DOCK8: variants seen among roughly 807,000 people sequenced by gnomAD.
The protein encoded by DOCK8 is dedicator of cytokinesis protein 8.
DOCK8 carries 141 observed loss-of-function variants against 245.6 expected under a neutral mutation model. The ratio of observed to expected loss-of-function variants is 0.57; its 90% CI spans 0.50 to 0.66. The LOEUF (loss-of-function observed/expected upper bound fraction) is 0.66. DOCK8 is among the 30% of genes least tolerant of loss of function. DOCK8 has a pLI of 0.00. For missense variants in DOCK8, 2,965 were observed against 2,603.4 expected (o/e 1.14, Z -3.02); for synonymous variants, 1,168 against 970.2 (o/e 1.20, Z -3.79).
intron 2 of DOCK8, among the ~76,000 whole-genome samples, chr9:279,071 A>G (rs942610881): frequency 6.6e-6 from 1 of 152,232 alleles, no homozygotes; most frequent in Non-Finnish European, 1.5e-5. Context: ...GATATATTTC[A>G]GAAGAAAGTG....
chr9:407,168 A>C (rs540393147), intron 28 of DOCK8, 99 bp downstream of exon 28: 118 of 1,537,424 alleles, frequency 7.7e-5, no homozygotes, highest in Middle Eastern at 3.4e-4. Context: ...AAAAAACTCT[A>C]CTGTAGTTGA....
rs1352168567 is a variant in DOCK8 at position 375,366 on chromosome 9, C to T, written c.2110-844C>T. On this transcript the variant is annotated intron_variant, in intron 18 of 47. Coordinates refer to ENST00000432829, the MANE Select transcript of DOCK8 (RefSeq NM_203447.4). ...ACCTACGAAGGTAATGATATATAAA[C>T]GTATAAAAGAGTCACTTTGAGTAAT... Among the ~76,000 whole-genome samples the T allele has an allele frequency of 2.0e-5, 3 of 152,114 alleles. No homozygotes were observed. The East Asian group carries it at 5.8e-4, about 29-fold the overall frequency.
chr9:325,882 C>A, intron 8 of DOCK8, 145 bp downstream of exon 8: 1 of 774,092 alleles, frequency 1.3e-6, no homozygotes, highest in Non-Finnish European at 2.2e-6. Context: ...GTTGCCTTTG[C>A]AATTTTTCAA....
intron 2 of DOCK8, among the ~76,000 whole-genome samples, chr9:274,993 T>G (rs2048286211): frequency 1.3e-5 from 2 of 152,232 alleles, no homozygotes; most frequent in Non-Finnish European, 2.9e-5. Flanking sequence ...CACGTCTTTG[T>G]TGTTGCTGCT....
intron 10 of DOCK8, among the ~76,000 whole-genome samples, chr9:332,726 C>G (rs35618345): frequency 7.2e-6 from 1 of 139,540 alleles, no homozygotes; most frequent in Non-Finnish European, 1.5e-5. Context: ...AGTGCAATCA[C>G]GGCCCCCTAC....
intron 36 of DOCK8, 117 bp downstream of exon 36, chr9:429,971 G>C (rs1380398517): frequency 7.8e-7 from 1 of 1,287,950 alleles, no homozygotes; most frequent in Non-Finnish European, 1.1e-6. Context: ...TCTGTCCTGT[G>C]AGAAAGAAAC....
At chr9:354,725 C>G in intron 14 of DOCK8, among the ~76,000 whole-genome samples, 1 of 152,184 alleles carries the variant, frequency 6.6e-6, no homozygotes, top group East Asian at 1.9e-4. Context: ...CGGTTCCTCA[C>G]TAAGCCAGAG....
At chr9:330,462 G>T (rs1182003920) in intron 9 of DOCK8, among the ~76,000 whole-genome samples, 7 of 152,050 alleles carry the variant, frequency 4.6e-5, no homozygotes, top group Admixed American at 4.6e-4. Context: ...AAACAACTTG[G>T]CATTCAAAGA....
rs868476791 is a variant in DOCK8 at position 400,608 on chromosome 9, C to T, written c.3234+1349C>T. The stretch of plus-strand genomic sequence containing the variant: ...ATCACCACCACCTCCACCATCACCA[C>T]CACCACCTCCACCACCATCACCACC... On this transcript the variant is annotated intron_variant, in intron 26 of 47. Coordinates refer to ENST00000432829, the MANE Select transcript of DOCK8 (RefSeq NM_203447.4). Among the ~76,000 whole-genome samples the T allele has an allele frequency of 6.5e-5, 7 of 106,930 alleles. 1 individual carries two copies. In the South Asian group the frequency reaches 1.0e-3, roughly 16 times the overall value. The allele number at this position is 106,930 out of a possible 152,430, so 70.2% of individuals were successfully genotyped here.
At chr9:245,559 A>G (rs545447763) in intron 1 of DOCK8, among the ~76,000 whole-genome samples, 4 of 152,072 alleles carry the variant, frequency 2.6e-5, no homozygotes, top group Non-Finnish European at 5.9e-5. Context: ...ATACATCTCT[A>G]ATGATGAAAT....
chr9:284,849 C>T (rs1368732168), intron 2 of DOCK8, among the ~76,000 whole-genome samples: 2 of 152,046 alleles, frequency 1.3e-5, no homozygotes, highest in East Asian at 3.9e-4. Flanking sequence ...AAATAGAAAA[C>T]CAAATGCTGC....
chr9:348,155 G>A (rs1040227932), intron 14 of DOCK8, among the ~76,000 whole-genome samples: 1 of 152,140 alleles, frequency 6.6e-6, no homozygotes, highest in African/African-American at 2.4e-5. Context: ...TTTGGAAGGT[G>A]TAGTGGGGAG....
intron 8 of DOCK8, among the ~76,000 whole-genome samples, chr9:327,518 G>A (rs889322156): frequency 4.0e-5 from 6 of 151,294 alleles, no homozygotes; most frequent in South Asian, 2.1e-4. Context: ...CCACCTCAGC[G>A]TCCCAAGTCG....
intron 14 of DOCK8, among the ~76,000 whole-genome samples, chr9:355,800 C>T (rs2052413407): frequency 6.6e-6 from 1 of 152,142 alleles, no homozygotes; most frequent in African/African-American, 2.4e-5. Flanking sequence ...TAACTCCCAA[C>T]CGCACACTCA....
intron 43 of DOCK8, 47 bp downstream of exon 43, chr9:443,563 C>T (rs753704059): frequency 1.5e-5 from 22 of 1,437,816 alleles, no homozygotes; most frequent in East Asian, 6.8e-5. Flanking sequence ...TAAATCCCTT[C>T]GTTCTCTACC....
At chr9:230,617 A>T (rs1489190971) in intron 1 of DOCK8, among the ~76,000 whole-genome samples, 5 of 151,938 alleles carry the variant, frequency 3.3e-5, no homozygotes, top group Admixed American at 1.3e-4. Flanking sequence ...ATGGTATCTC[A>T]TTGTGGTTTT....
At chr9:404,868 C>T in intron 26 of DOCK8, 50 bp from the exon 27 acceptor site, 1 of 1,607,846 alleles carries the variant, frequency 6.2e-7, no homozygotes, top group Non-Finnish European at 8.5e-7. Context: ...ACCTCAACTC[C>T]ACTTACCTTG....
At chr9:286,401 T>G (rs557404123) in intron 2 of DOCK8, 60 bp from the exon 3 acceptor site, 1 of 1,588,338 alleles carries the variant, frequency 6.3e-7, no homozygotes, top group South Asian at 1.1e-5. Context: ...TACTATTGCC[T>G]TTGTGCTTTT....
chr9:298,691 C>T (rs1315744003), intron 4 of DOCK8, among the ~76,000 whole-genome samples: 1 of 151,522 alleles, frequency 6.6e-6, no homozygotes. Context: ...TGTAAGTAAA[C>T]ACTCTTGGAA....
Sources: allele counts gnomAD v4.1 joint callset (sites outside exome capture counted in the v4.1 genomes callset), GRCh38; gene constraint gnomAD v4.1.1; transcripts MANE v1.5; gene names NCBI Gene and HGNC (gene_info 2026-07-23, HGNC 2026-07-21).